The following NEDD4L variants were observed in gnomAD, a reference collection of about 807,000 sequenced individuals.
The protein encoded by NEDD4L is E3 ubiquitin-protein ligase NEDD4-like.
NEDD4L carries 54 observed loss-of-function variants against 148.9 expected under a neutral mutation model. The observed-to-expected ratio is 0.36, with a 90% CI of 0.29 to 0.45. NEDD4L has a LOEUF of 0.45. NEDD4L is among the 20% of genes least tolerant of loss of function. NEDD4L has a pLI of 1.00. For synonymous variants in NEDD4L, 433 were observed against 440.7 expected, an observed-to-expected ratio of 0.98 and a Z score of 0.22; for missense variants, 856 against 1,233.8, an observed-to-expected ratio of 0.69 and a Z score of 4.59.
At chr18:58,130,478 C>G (rs1185692507) in intron 1 of NEDD4L, among the ~76,000 whole-genome samples, 1 of 116,408 alleles carries the variant, frequency 8.6e-6, no homozygotes, top group East Asian at 2.7e-4. Context: ...GGAACTGTGG[C>G]GGTGTTGGGC....
intron 5 of NEDD4L, among the ~76,000 whole-genome samples, chr18:58,275,124 GA>G (rs1467878266): frequency 1.3e-5 from 2 of 152,150 alleles, no homozygotes; most frequent in Non-Finnish European, 2.9e-5. Context: ...AAGCCTTACT[GA>G]TAACTTAAAC....
At position 58,366,103 on chromosome 18, in the gene NEDD4L, T is replaced by C. The variant is rs772990150; in HGVS notation, c.1938T>C (p.Ala646=). 6.2e-7 allele frequency: 1 copy of C among 1,613,736 alleles called. No homozygotes were observed. The highest frequency in any genetic ancestry group is 2.2e-5 in the East Asian group (1 of 44,886). The change falls in exon 21 of 31, where the codon GCT becomes GCC. Residue 646 remains alanine (A), a synonymous_variant. Transcript: ENST00000400345. This position sits in a 1 kb window ranked among gnomAD's most constrained non-coding sequence, Gnocchi z 4.2. ...TGAAAAGACCAGATGTCCTAAAAGC[T>C]AGACTGTGGATTGAGTTTGAATCAG... is the stretch of plus-strand genomic sequence containing the variant. ...MSVKRPDVLK[A]RLWIEFESEK...
At chr18:58,093,347 C>T (rs1449803606) in intron 1 of NEDD4L, among the ~76,000 whole-genome samples, 1 of 152,108 alleles carries the variant, frequency 6.6e-6, no homozygotes, top group African/African-American at 2.4e-5. Context: ...GTAAGAACTG[C>T]GCAAGACAGT....
intron 1 of NEDD4L, among the ~76,000 whole-genome samples, chr18:58,074,278 T>A (rs1019864648): frequency 2.6e-4 from 39 of 151,092 alleles, no homozygotes; most frequent in Admixed American, 1.3e-3. Context: ...TTTTTTTTTT[T>A]AAGACAGAGT....
At chr18:58,184,613 G>A (rs886393155) in intron 2 of NEDD4L, among the ~76,000 whole-genome samples, 3 of 152,096 alleles carry the variant, frequency 2.0e-5, no homozygotes, top group Middle Eastern at 3.2e-3. Flanking sequence ...TGTTCATGAA[G>A]TCTTGGTTTT....
chr18:58,085,285 C>T (rs773422701), intron 1 of NEDD4L, among the ~76,000 whole-genome samples: 54 of 151,548 alleles, frequency 3.6e-4, no homozygotes, highest in Admixed American at 3.3e-4. Flanking sequence ...ACAGATGTGA[C>T]GCAGCAGGTG....
At chr18:58,083,373 T>C (rs1022739061) in intron 1 of NEDD4L, among the ~76,000 whole-genome samples, 2 of 151,978 alleles carry the variant, frequency 1.3e-5, no homozygotes, top group Non-Finnish European at 2.9e-5. Context: ...GACTTTAAAT[T>C]TAGGTGGGCT....
chr18:58,299,784 G>T lies in NEDD4L; in HGVS notation c.298-16198G>T, dbSNP rs533743158. ...TCCGGTGTCTTTTTTTAAAAATAAG[G>T]TTTTAAGAGTTTCATGGTCAGCTGT... On this transcript the variant is annotated intron_variant, in intron 5 of 30. Coordinates refer to ENST00000400345, the MANE Select transcript of NEDD4L (RefSeq NM_001144967.3). Among the ~76,000 whole-genome samples, 12 of 152,198 alleles carry T rather than the reference G, an allele frequency of 7.9e-5. 1 individual carries two copies. In the South Asian group the frequency reaches 2.5e-3, roughly 32 times the overall value.
chr18:58,149,438 G>T (rs949508192), intron 1 of NEDD4L: 2 of 1,526,720 alleles, frequency 1.3e-6, no homozygotes, highest in South Asian at 2.5e-5. Context: ...ACCCTTGGCT[G>T]CAGCCACGAC....
intron 1 of NEDD4L, among the ~76,000 whole-genome samples, chr18:58,105,152 C>G (rs2084991343): frequency 6.6e-6 from 1 of 152,144 alleles, no homozygotes; most frequent in Non-Finnish European, 1.5e-5. Context: ...TGGCCAGTAG[C>G]TGGAAGAACC....
At chr18:58,386,436 A>G (rs986900719) in intron 26 of NEDD4L, among the ~76,000 whole-genome samples, 8 of 152,122 alleles carry the variant, frequency 5.3e-5, no homozygotes, top group African/African-American at 1.9e-4. Context: ...CATGGAAAAC[A>G]CATTTTCTTA....
intron 2 of NEDD4L, among the ~76,000 whole-genome samples, chr18:58,201,650 G>T (rs899893666): frequency 6.6e-6 from 1 of 152,080 alleles, no homozygotes; most frequent in Non-Finnish European, 1.5e-5. Context: ...TTCTTATTAC[G>T]TTCGTGTATT....
At chr18:58,383,152 G>A (rs913078163) in intron 24 of NEDD4L, 94 bp from the exon 25 acceptor site, 1 of 712,230 alleles carries the variant, frequency 1.4e-6, no homozygotes, top group Non-Finnish European at 2.5e-6. Context: ...CTGAATACAT[G>A]TTGTCTTCCC....
chr18:58,265,176 A>G (rs1340612068), intron 5 of NEDD4L, among the ~76,000 whole-genome samples: 2 of 152,072 alleles, frequency 1.3e-5, no homozygotes, highest in East Asian at 3.8e-4. Context: ...GAGGGGCCTC[A>G]TTGAAAGACT....
intron 1 of NEDD4L, among the ~76,000 whole-genome samples, chr18:58,146,424 G>A (rs545167078): frequency 6.6e-6 from 1 of 152,284 alleles, no homozygotes; most frequent in East Asian, 1.9e-4. Flanking sequence ...TTGGGCCGGG[G>A]AGGAAGATGG....
chr18:58,187,985 G>A (rs61294193), intron 2 of NEDD4L, among the ~76,000 whole-genome samples: 35,805 of 152,062 alleles, frequency 0.24, 4,780 homozygotes, highest in East Asian at 0.46. Context: ...GCCTCCATTT[G>A]ATCCAGGGAA....
At chr18:58,133,475 G>A (rs2146001825) in intron 1 of NEDD4L, among the ~76,000 whole-genome samples, 2 of 152,276 alleles carry the variant, frequency 1.3e-5, no homozygotes, top group Middle Eastern at 6.8e-3. Context: ...GCTGGAACAG[G>A]ACTGGAACCT....
intron 5 of NEDD4L, among the ~76,000 whole-genome samples, chr18:58,260,030 T>TTAA (rs1263968542): frequency 2.0e-5 from 3 of 152,146 alleles, no homozygotes; most frequent in African/African-American, 7.2e-5. Context: ...AACTCGAGTA[T>TTAA]CCAATGTATT....
intron 24 of NEDD4L, among the ~76,000 whole-genome samples, chr18:58,377,379 C>A (rs1034190231): frequency 3.3e-5 from 5 of 152,154 alleles, no homozygotes; most frequent in Non-Finnish European, 7.3e-5. Context: ...CAGCCTTCCA[C>A]GGTGTTTCAA....
Sources: allele counts gnomAD v4.1 joint callset (sites outside exome capture counted in the v4.1 genomes callset), GRCh38; gene constraint gnomAD v4.1.1; non-coding constraint Gnocchi (gnomAD v3.1); transcripts MANE v1.5; gene names NCBI Gene and HGNC (gene_info 2026-07-23, HGNC 2026-07-21).